The following PAX5 variants were observed in gnomAD, a reference collection of about 807,000 sequenced individuals.
The protein encoded by PAX5 is paired box 5.
In PAX5, 9 loss-of-function variants were observed where a neutral mutation model predicts 43.7. That is an observed-to-expected ratio of 0.21 (90% CI 0.12 to 0.36). PAX5 has a LOEUF of 0.36. Among genes scored for constraint, PAX5 ranks in the 10% least tolerant of loss-of-function variants. The pLI, the probability that PAX5 is intolerant of heterozygous loss-of-function variation, is 1.00. For missense variants in PAX5, 383 were observed against 532.7 expected (o/e 0.72, Z 2.77); for synonymous variants, 228 against 214.3 (o/e 1.06, Z -0.56).
At chr9:36,976,179 C>A (rs1457547306) in intron 5 of PAX5, among the ~76,000 whole-genome samples, 1 of 152,192 alleles carries the variant, frequency 6.6e-6, no homozygotes. Flanking sequence ...AACTACTAAA[C>A]TCAGTTGAGC....
chr9:37,002,502 G>T, intron 5 of PAX5, 146 bp downstream of exon 5: 3 of 832,910 alleles, frequency 3.6e-6, no homozygotes. Context: ...CCGTGTTCAC[G>T]AAAAGGACAG....
intron 8 of PAX5, among the ~76,000 whole-genome samples, chr9:36,878,296 T>A (rs1826101998): frequency 6.6e-6 from 1 of 152,176 alleles, no homozygotes; most frequent in South Asian, 2.1e-4. Context: ...AAAGATAACT[T>A]GATACGTGTT....
chr9:36,968,332 T>C (rs1834623396), intron 5 of PAX5, among the ~76,000 whole-genome samples: 1 of 152,154 alleles, frequency 6.6e-6, no homozygotes, highest in Non-Finnish European at 1.5e-5. Context: ...AGCAGTGAGA[T>C]GTGGTGTCAC....
intron 8 of PAX5, among the ~76,000 whole-genome samples, chr9:36,873,436 T>C (rs1825657395): frequency 1.3e-5 from 2 of 152,222 alleles, no homozygotes; most frequent in Non-Finnish European, 2.9e-5. Context: ...CAAGTCTGTG[T>C]TCCTGCTGTG....
At chr9:36,863,980 G>A (rs1386644640) in intron 8 of PAX5, among the ~76,000 whole-genome samples, 4 of 152,196 alleles carry the variant, frequency 2.6e-5, no homozygotes, top group Admixed American at 2.0e-4. Context: ...ATGGTGGCAT[G>A]TGCCTGTAGT....
chr9:36,849,000 G>A (rs10448237), intron 8 of PAX5, among the ~76,000 whole-genome samples: 128,407 of 152,228 alleles, frequency 0.84, 56,952 homozygotes, highest in East Asian at 1. Flanking sequence ...AGTGGTGAAT[G>A]TAGAGGTCCT....
At chr9:36,906,143 A>G (rs1563952735) in intron 7 of PAX5, among the ~76,000 whole-genome samples, 1 of 152,184 alleles carries the variant, frequency 6.6e-6, no homozygotes, top group Non-Finnish European at 1.5e-5. Context: ...TGGTAGACAG[A>G]AGAATAATCC....
In PAX5 at chr9:36,877,083, T is replaced by C. The variant is rs183181797; in HGVS notation, c.1012+4921A>G. Among the ~76,000 whole-genome samples the C allele has an allele frequency of 1.5e-3, 230 of 152,274 alleles. No individual in the cohort carries two copies. The Middle Eastern group carries it at 0.024, about 16-fold the overall frequency. On this transcript the variant is annotated intron_variant, in intron 8 of 9. Transcript: ENST00000358127. ...CGGGCACAGTGGCTCATGCCTGTAA[T>C]CCCAACACTTTGGGAAGCTGAGGCA...
chr9:36,943,102 AT>A (rs1832194838), intron 6 of PAX5, among the ~76,000 whole-genome samples: 1 of 152,048 alleles, frequency 6.6e-6, no homozygotes, highest in Admixed American at 6.5e-5. Context: ...GCTATTCTCC[AT>A]CTCAGTCCCA....
chr9:36,953,464 A>T (rs556190862), intron 6 of PAX5, among the ~76,000 whole-genome samples: 6 of 152,084 alleles, frequency 3.9e-5, no homozygotes, highest in Non-Finnish European at 8.8e-5. Context: ...TAAATATGCT[A>T]TGCCTCTTAA....
intron 7 of PAX5, among the ~76,000 whole-genome samples, chr9:36,885,365 T>C (rs1390067327): frequency 6.6e-6 from 1 of 152,180 alleles, no homozygotes; most frequent in Admixed American, 6.5e-5. Flanking sequence ...TGCCACTTAT[T>C]AGCTGTGTGA....
In PAX5 at chr9:36,863,877, A is replaced by G. The variant is rs77812152; in HGVS notation, c.1013-16948T>C. Among the ~76,000 whole-genome samples the G allele has an allele frequency of 2.4e-3, 365 of 152,292 alleles. 2 individuals are homozygous for G. Among genetic ancestry groups the G allele is most frequent in the Middle Eastern group, 3.4e-3 (1 of 294 alleles). On this transcript the variant is annotated intron_variant, in intron 8 of 9. Transcript: ENST00000358127. ...TCCAATCCCAGTACTTTGGGAGGCTAAGGTGGGCGGATCAGGAGGTCAGGA... is the reference window on the plus strand; with the variant it reads ...TCCAATCCCAGTACTTTGGGAGGCTGAGGTGGGCGGATCAGGAGGTCAGGA...
chr9:36,896,015 C>G (rs1827831049), intron 7 of PAX5, among the ~76,000 whole-genome samples: 1 of 152,184 alleles, frequency 6.6e-6, no homozygotes, highest in Non-Finnish European at 1.5e-5. Flanking sequence ...CAGGTCCCCT[C>G]TCCTCTGTAA....
intron 5 of PAX5, among the ~76,000 whole-genome samples, chr9:36,970,644 A>G (rs1333826440): frequency 6.6e-6 from 1 of 152,136 alleles, no homozygotes; most frequent in Non-Finnish European, 1.5e-5. Context: ...GGGTGTTTGA[A>G]GGTGGATCTG....
At chr9:36,930,192 G>T (rs1467663411) in intron 6 of PAX5, among the ~76,000 whole-genome samples, 2 of 150,426 alleles carry the variant, frequency 1.3e-5, no homozygotes, top group African/African-American at 4.9e-5. Flanking sequence ...GAAAAACTGA[G>T]GTACAGGGAT....
chr9:37,029,346 C>T (rs1840732552), intron 1 of PAX5, among the ~76,000 whole-genome samples: 4 of 152,202 alleles, frequency 2.6e-5, no homozygotes, highest in Admixed American at 2.6e-4. Flanking sequence ...CCCAGCTGTC[C>T]CTGACCAGTA....
rs146197414 is a variant in PAX5, at chr9:37,003,388, T to C, written c.476-612A>G. ...TTAATATTAATTATGACAATAACAA[T>C]AACTAACATTTTCTGAGAACTTACT... On this transcript the variant is annotated intron_variant, in intron 4 of 9. Transcript: ENST00000358127. Among the ~76,000 whole-genome samples the C allele has an allele frequency of 2.0e-5, 3 of 152,260 alleles. No homozygotes were observed. In the East Asian group the frequency reaches 5.8e-4, roughly 29 times the overall value.
At chr9:36,891,823 G>C (rs758301700) in intron 7 of PAX5, among the ~76,000 whole-genome samples, 4 of 152,176 alleles carry the variant, frequency 2.6e-5, no homozygotes, top group Admixed American at 6.5e-5. Context: ...CCTGGCTAAA[G>C]ATCTAATCTG....
At position 36,912,362 on chromosome 9, in the gene PAX5, A is replaced by C. The variant is rs184146362; in HGVS notation, c.910+10993T>G. Among the ~76,000 whole-genome samples the C allele has an allele frequency of 2.0e-5, 3 of 152,350 alleles. No individual in the cohort carries two copies. The East Asian group carries it at 5.8e-4, about 29-fold the overall frequency. ...AAACTCTAGTGCTGGCCCATTTTAC[A>C]GATGGGAAACTTGGGCCCAGAAATT... is the stretch of plus-strand genomic sequence containing the variant. On this transcript the variant is annotated intron_variant, in intron 7 of 9. Transcript: ENST00000358127.
Sources: allele counts gnomAD v4.1 joint callset (sites outside exome capture counted in the v4.1 genomes callset), GRCh38; gene constraint gnomAD v4.1.1; transcripts MANE v1.5; gene names NCBI Gene and HGNC (gene_info 2026-07-23, HGNC 2026-07-21).